EVL: variants seen among roughly 807,000 people sequenced by gnomAD.
EVL encodes the protein Enah/Vasp-like.
Under a neutral mutation model 59.6 loss-of-function variants are expected in EVL, and 21 were observed. The observed-to-expected ratio is 0.35, with a 90% CI of 0.25 to 0.51. The LOEUF is 0.51. Among genes scored for constraint, EVL ranks in the 20% least tolerant of loss-of-function variants. The probability of loss-of-function intolerance (pLI) is 0.97; values close to 1 mark genes in which losing one functional copy is unlikely to be tolerated. For missense variants in EVL, 462 were observed against 546.6 expected (o/e 0.85, Z 1.54); for synonymous variants, 198 against 203.5 (o/e 0.97, Z 0.23).
rs750203424 is a variant in EVL, at chr14:100,137,808, G to A, written c.1094+6G>A. On this transcript the variant is annotated splice_donor_region_variant and intron_variant, in intron 11 of 13. Transcript: ENST00000392920. Reference sequence around the variant, plus strand: ...CAGTCGCAGCCTCACTCTAGGTACCGAACAACCCTCCTGCTCACATGTCCC... The same window carrying A: ...CAGTCGCAGCCTCACTCTAGGTACCAAACAACCCTCCTGCTCACATGTCCC... The A allele has an allele frequency of 7.4e-6, 12 of 1,613,932 alleles. No homozygotes were observed. The highest frequency in any genetic ancestry group is 2.7e-5 in the African/African-American group (2 of 75,040).
At chr14:100,119,534 C>A (rs1887563310) in intron 3 of EVL, among the ~76,000 whole-genome samples, 1 of 152,250 alleles carries the variant, frequency 6.6e-6, no homozygotes, top group Admixed American at 6.5e-5. Context: ...GAAAGCGCTC[C>A]ACCGAGGGGA....
chr14:100,084,965 C>A, intron 2 of EVL, 110 bp downstream of exon 2: 2 of 1,231,076 alleles, frequency 1.6e-6, no homozygotes, highest in Non-Finnish European at 2.2e-6. Flanking sequence ...GGTCAATATT[C>A]GGAATCAGAG....
At chr14:100,113,568 A>G (rs957569780) in intron 3 of EVL, among the ~76,000 whole-genome samples, 2 of 151,936 alleles carry the variant, frequency 1.3e-5, no homozygotes, top group African/African-American at 4.8e-5. Context: ...TGGGGGAAGG[A>G]TTTGGGCTAG....
At chr14:100,097,453 A>G (rs1318016616) in intron 2 of EVL, 28 bp from the exon 3 acceptor site, 28 of 1,578,754 alleles carry the variant, frequency 1.8e-5, no homozygotes, top group Non-Finnish European at 2.3e-5. Flanking sequence ...ATTTATTTAC[A>G]CGTATTTCTC....
intron 3 of EVL, chr14:100,106,682 A>G (rs1278523154): frequency 2.5e-6 from 1 of 397,368 alleles, no homozygotes; most frequent in Non-Finnish European, 4.4e-6. Flanking sequence ...ACAAAACATT[A>G]TAATAAAAAG....
At chr14:100,076,027 G>A (rs1369830745) in intron 1 of EVL, among the ~76,000 whole-genome samples, 1 of 152,170 alleles carries the variant, frequency 6.6e-6, no homozygotes, top group Non-Finnish European at 1.5e-5. Context: ...TGGGTGGATA[G>A]GTGTGTTTTG....
intron 3 of EVL, among the ~76,000 whole-genome samples, chr14:100,111,420 G>A (rs1886987598): frequency 6.6e-6 from 1 of 152,158 alleles, no homozygotes. Flanking sequence ...GCCTCCCAAA[G>A]TGCTGGGATT....
chr14:99,987,905 ATTTTT>A (rs774580760), intron 1 of EVL, among the ~76,000 whole-genome samples: 1 of 103,818 alleles, frequency 9.6e-6, no homozygotes, highest in Non-Finnish European at 1.8e-5. Context: ...AGACAACCCA[ATTTTT>A]TTTTTTTTTT....
chr14:100,141,998 T>TC, intron 13 of EVL: 1 of 465,252 alleles, frequency 2.1e-6, no homozygotes, highest in South Asian at 3.6e-5. Context: ...AATTTGTAGC[T>TC]CCCTGGTAGC....
intron 1 of EVL, among the ~76,000 whole-genome samples, chr14:99,982,820 A>T (rs540404351): frequency 6.6e-6 from 1 of 152,348 alleles, no homozygotes; most frequent in East Asian, 1.9e-4. Context: ...ACCCCTGTAT[A>T]CTGAGCAGCC....
At position 99,981,497 on chromosome 14, in the gene EVL, T is replaced by C. The variant is rs546936964; in HGVS notation, c.5+9440T>C. Among the ~76,000 whole-genome samples, 579 of 152,304 alleles carry C rather than the reference T, an allele frequency of 3.8e-3. 3 individuals carry two copies. Among genetic ancestry groups the C allele is most frequent in the African/African-American group, 0.013 (558 of 41,572 alleles). On this transcript the variant is annotated intron_variant, in intron 1 of 13. Transcript: ENST00000402714. The stretch of plus-strand genomic sequence containing the variant: ...AGCTGAATGAATATAAATTAAATCA[T>C]ATTGTTTCACATACAGATTTTTCCC...
chr14:100,060,321 C>T (rs1308032311), intron 1 of EVL, among the ~76,000 whole-genome samples: 3 of 151,106 alleles, frequency 2.0e-5, no homozygotes, highest in Admixed American at 1.3e-4. Context: ...GTCCCAGCTA[C>T]GCGGGAGGCT....
chr14:100,109,191 T>C lies in EVL; in HGVS notation c.358+11533T>C, dbSNP rs539332971. 3.3e-5 allele frequency among the ~76,000 whole-genome samples: 5 copies of C among 152,370 alleles called. No homozygotes were observed. The highest frequency in any genetic ancestry group is 3.3e-4 in the Admixed American group (5 of 15,310). On this transcript the variant is annotated intron_variant, in intron 3 of 13. Coordinates refer to ENST00000392920, the MANE Select transcript of EVL (RefSeq NM_016337.3). This position sits in a 1 kb window ranked among gnomAD's most constrained non-coding sequence, Gnocchi z 4.3. ...CCCTGACACTCTCTCCCCTGAAGTGTTGTAATGGGGTTGTAACCCATCCAC... is the reference window on the plus strand; with the variant it reads ...CCCTGACACTCTCTCCCCTGAAGTGCTGTAATGGGGTTGTAACCCATCCAC...
In EVL at chr14:100,019,463, T is replaced by C. The variant is rs1458722001; in HGVS notation, c.5+47406T>C. On this transcript the variant is annotated intron_variant, in intron 1 of 13. Coordinates refer to the EVL transcript ENST00000402714. ...CACATGGTTTTCTAGCTGCCTCCCC[T>C]GTTAGCTGCCGCTTGTCAGCAGCTG... is the stretch of plus-strand genomic sequence containing the variant. The C allele has an allele frequency of 1.5e-5, 8 of 541,986 alleles. 1 individual carries two copies. Among genetic ancestry groups the C allele is most frequent in the African/African-American group, 1.2e-4 (6 of 50,840 alleles). 33.6% of individuals were successfully genotyped at this position (541,986 alleles called of 1,614,324 possible). A position where few individuals can be genotyped will look rare whatever the true frequency, so the allele number is the denominator to read the frequency against.
At chr14:100,126,861 G>A (rs548978855) in intron 5 of EVL, 90 bp downstream of exon 5, 36 of 1,264,268 alleles carry the variant, frequency 2.8e-5, no homozygotes, top group Middle Eastern at 2.6e-4. Flanking sequence ...CACACGGGGC[G>A]CTCTGTGAGC....
chr14:99,992,876 G>A (rs1243842309), intron 1 of EVL, among the ~76,000 whole-genome samples: 1 of 151,894 alleles, frequency 6.6e-6, no homozygotes, highest in Non-Finnish European at 1.5e-5. Context: ...TCTATTCTGA[G>A]TTTTTTGAGT....
At chr14:100,061,166 G>T (rs966413850), upstream of EVL, among the ~76,000 whole-genome samples, 5 of 152,060 alleles carry the variant, frequency 3.3e-5, no homozygotes, top group South Asian at 1.0e-3. Flanking sequence ...TGAGGTGGAC[G>T]GATCCCTTGA....
chr14:99,975,750 C>T (rs945010108), intron 1 of EVL, among the ~76,000 whole-genome samples: 1 of 152,230 alleles, frequency 6.6e-6, no homozygotes, highest in East Asian at 1.9e-4. Flanking sequence ...CTGCCACTCA[C>T]CTCCTGCTGT....
rs1401680781 is a variant in EVL, at chr14:100,116,574, G to A, written c.359-6965G>A. Among the ~76,000 whole-genome samples, 6 of 152,146 alleles carry A rather than the reference G, an allele frequency of 3.9e-5. No individual in the cohort carries two copies. The South Asian group carries it at 6.2e-4, about 16-fold the overall frequency. On this transcript the variant is annotated intron_variant, in intron 3 of 13. Transcript: ENST00000392920. ...CAGGAGGAGGGGTCAGTAGTTCCTC[G>A]CCTTGTCTGCCTGCCTTTGGCTGTA...
Sources: gnomAD v4.1 joint callset for allele counts (sites outside exome capture counted in the v4.1 genomes callset) on GRCh38, gnomAD v4.1.1 for gene constraint, Gnocchi (gnomAD v3.1) non-coding constraint, MANE v1.5 for transcripts, NCBI Gene and HGNC (gene_info 2026-07-23, HGNC 2026-07-21) for gene names.